The following USP42 variants were observed in gnomAD, a reference collection of about 807,000 sequenced individuals.
USP42 encodes ubiquitin carboxyl-terminal hydrolase 42.
USP42 carries 23 observed loss-of-function variants against 113.0 expected under a neutral mutation model. The observed-to-expected ratio is 0.20, with a 90% CI of 0.15 to 0.29. The LOEUF (loss-of-function observed/expected upper bound fraction) is 0.29. Among genes scored for constraint, USP42 ranks in the 10% least tolerant of loss-of-function variants. The probability of loss-of-function intolerance (pLI) is 1.00; values close to 1 mark genes in which losing one functional copy is unlikely to be tolerated. For synonymous variants in USP42, 933 were observed against 699.0 expected (o/e 1.33, Z -5.28); for missense variants, 2,174 against 1,779.8 (o/e 1.22, Z -3.99).
chr7:6,111,769 ATT>A (rs375859355), intron 2 of USP42: 136 of 139,188 alleles, frequency 9.8e-4, no homozygotes, highest in South Asian at 4.3e-3. Flanking sequence ...AGCCCGGCTA[ATT>A]TTTTTTTTTT....
At chr7:6,092,066 CT>C in the USP42 span, among the ~76,000 whole-genome samples, 2 of 67,862 alleles carry the variant, frequency 2.9e-5, no homozygotes, top group African/African-American at 1.3e-4. Flanking sequence ...TCTTCTTCTT[CT>C]TCTTCTTCCT....
At chr7:6,086,622 T>A in the USP42 span, among the ~76,000 whole-genome samples, 1 of 150,682 alleles carries the variant, frequency 6.6e-6, no homozygotes, top group Non-Finnish European at 1.5e-5. Context: ...AGTTCTGGGA[T>A]TACAAGCATG....
At position 6,132,600 on chromosome 7, in the gene USP42, C is replaced by G. The variant is rs190809403; in HGVS notation, c.443-3241C>G. Among the ~76,000 whole-genome samples the G allele has an allele frequency of 6.1e-3, 936 of 152,204 alleles. 8 individuals are homozygous for G. The highest frequency in any genetic ancestry group is 0.022 in the African/African-American group (898 of 41,540). ...TCTCAAACTCCTGACCTCAAGTGAT[C>G]TACCCGCCTCAGCCTCACAGAATGC... On this transcript the variant is annotated intron_variant, in intron 3 of 17. Coordinates refer to ENST00000306177, the MANE Select transcript of USP42 (RefSeq NM_032172.3).
At chr7:6,129,465 G>A (rs977956184) in intron 3 of USP42, among the ~76,000 whole-genome samples, 17 of 151,538 alleles carry the variant, frequency 1.1e-4, no homozygotes, top group African/African-American at 3.9e-4. Flanking sequence ...GCTGAGGAAG[G>A]AGAATTGTTT....
chr7:6,117,292 T>A (rs1779963879), intron 3 of USP42, among the ~76,000 whole-genome samples: 1 of 152,188 alleles, frequency 6.6e-6, no homozygotes, highest in African/African-American at 2.4e-5. Flanking sequence ...TTATGTGGAA[T>A]TGTACAGTAT....
chr7:6,113,305 C>T (rs1034710386), intron 2 of USP42, among the ~76,000 whole-genome samples: 2 of 152,070 alleles, frequency 1.3e-5, no homozygotes, highest in African/African-American at 2.4e-5. Flanking sequence ...TCGAATGTTG[C>T]ACATGGAGGT....
rs1176853835 is a variant in USP42, at chr7:6,154,653, C to T, written c.3099C>T (p.Val1033=). 3 of 1,606,158 alleles carry T rather than the reference C, an allele frequency of 1.9e-6. No individual in the cohort carries two copies. Among genetic ancestry groups the T allele is most frequent in the African/African-American group, 2.7e-5 (2 of 74,764 alleles). Residue 1033 remains valine (V), a synonymous_variant, in exon 15 of 18, where the codon GTC becomes GTT. Coordinates refer to ENST00000306177, the MANE Select transcript of USP42 (RefSeq NM_032172.3). ...GGAGCGGGGTGGAGCTGGACTGGGT[C>T]AGACACCACTACACCGAGGGCGAGC... ...RHRSGVELDW[V]RHHYTEGERG...
upstream of USP42, among the ~76,000 whole-genome samples, chr7:6,103,930 T>C (rs975908958): frequency 1.0e-4 from 15 of 150,524 alleles, 2 homozygotes; most frequent in African/African-American, 3.7e-4. Context: ...ACAAAAACCC[T>C]AAAATTAAGT....
intron 3 of USP42, chr7:6,128,204 T>G (rs1001111333): frequency 2.6e-5 from 4 of 151,958 alleles, no homozygotes; most frequent in African/African-American, 9.7e-5. Flanking sequence ...CCTCCTGCCT[T>G]GGCCTCTGAA....
intron 13 of USP42, 31 bp from the exon 14 acceptor site, chr7:6,150,381 T>C (rs779895611): frequency 8.7e-6 from 14 of 1,612,378 alleles, no homozygotes; most frequent in African/African-American, 1.3e-5. Context: ...AGCTGGCGAC[T>C]GAAGCTGAAA....
intron 8 of USP42, among the ~76,000 whole-genome samples, chr7:6,143,404 T>C (rs1171551114): frequency 6.6e-6 from 1 of 152,142 alleles, no homozygotes; most frequent in Admixed American, 6.5e-5. Context: ...TCTTCTGGGA[T>C]AGGGAGGCTC....
chr7:6,148,006 T>C, intron 12 of USP42, 114 bp downstream of exon 12: 2 of 1,170,690 alleles, frequency 1.7e-6, no homozygotes, highest in South Asian at 3.0e-5. Context: ...GAATTTCTTC[T>C]CACAGTTTAA....
At chr7:6,143,277 T>A (rs1781529413) in intron 8 of USP42, among the ~76,000 whole-genome samples, 1 of 152,172 alleles carries the variant, frequency 6.6e-6, no homozygotes, top group African/African-American at 2.4e-5. Flanking sequence ...GGTAAAATTG[T>A]CTTTGCACCC....
In USP42 at chr7:6,161,202, T is replaced by C. The variant is rs1782759384; in HGVS notation, c.*684T>C. ...TGTAAAGCCGACAGTATGTTTCTAT[T>C]ACACAACACTTTTTGATACAGCGTC... On this transcript the variant is annotated 3_prime_UTR_variant, in exon 18 of 18. Transcript: ENST00000306177. The C allele has an allele frequency of 6.6e-6, 1 of 152,652 alleles. No homozygotes were observed. The highest frequency in any genetic ancestry group is 1.5e-5 in the Non-Finnish European group (1 of 68,044). The allele number at this position is 152,652 out of a possible 1,614,324, so 9.5% of individuals were successfully genotyped here.
rs753494558 is a variant in USP42, at chr7:6,154,516, C to T, written c.2962C>T (p.Arg988Cys). The change falls in exon 15 of 18, where the codon CGC becomes TGC. Residue 988 changes from arginine to cysteine, a missense_variant. Physicochemically the swap from Arg to Cys is radical, Grantham distance 180. Coordinates refer to ENST00000306177, the MANE Select transcript of USP42 (RefSeq NM_032172.3). ...GCGGCGCCGCACCTGCCCCCGGGAG[C>T]GCGACCGCCAGGACCGCCACGCCCC... ...HRRRRTCPRE[R>C]DRQDRHAPEH... is the part of the protein sequence containing the mutation. The T allele has an allele frequency of 2.5e-5, 38 of 1,540,630 alleles. No homozygotes were observed. The highest frequency in any genetic ancestry group is 2.4e-4 in the Admixed American group (12 of 50,366).
At position 6,159,474 on chromosome 7, in the gene USP42, CAAAAA is replaced by C. The variant is rs1369975345; in HGVS notation, c.*19_*23del. ...GGTGATTGAAAACTCAGCCTCAAAA[CAAAAA>C]ATTCACTAGTTATGGTAAGCTGTTT... On this transcript the variant is annotated 3_prime_UTR_variant, in exon 17 of 18. Transcript: ENST00000306177. The surrounding 1 kb of genome is among the most constrained non-coding windows in gnomAD (Gnocchi z 4.1). The C allele has an allele frequency of 3.7e-6, 6 of 1,613,610 alleles. No individual in the cohort carries two copies. The highest frequency in any genetic ancestry group is 5.1e-6 in the Non-Finnish European group (6 of 1,179,756).
rs771825982 is a variant in USP42 at position 6,156,665 on chromosome 7, C to T, written c.3642-89C>T. 4.1e-5 allele frequency: 60 copies of T among 1,446,858 alleles called. 1 individual carries two copies. The Middle Eastern group carries it at 1.5e-3, about 37-fold the overall frequency. The allele number at this position is 1,446,858 out of a possible 1,614,324, so 89.6% of individuals were successfully genotyped here. ...TGCGTGTCTGCACAGTGAATGTTCT[C>T]GGTGAATGGGTGGAAAGGCCAAGCT... On this transcript the variant is annotated intron_variant, in intron 15 of 17. Coordinates refer to ENST00000306177, the MANE Select transcript of USP42 (RefSeq NM_032172.3).
chr7:6,144,708 A>G (rs2128508723), intron 9 of USP42, among the ~76,000 whole-genome samples: 1 of 152,216 alleles, frequency 6.6e-6, no homozygotes, highest in South Asian at 2.1e-4. Flanking sequence ...TGTTTCTACT[A>G]AAAATACTAA....
the USP42 span, among the ~76,000 whole-genome samples, chr7:6,096,960 G>A: frequency 2.0e-5 from 3 of 146,840 alleles, no homozygotes; most frequent in African/African-American, 7.8e-5. Context: ...GTCTTCCTCT[G>A]TCATCCATGC....
Sources: allele counts gnomAD v4.1 joint callset (sites outside exome capture counted in the v4.1 genomes callset), GRCh38; gene constraint gnomAD v4.1.1; non-coding constraint Gnocchi (gnomAD v3.1); transcripts MANE v1.5; gene names NCBI Gene and HGNC (gene_info 2026-07-23, HGNC 2026-07-21).